Variants in DGCR2 observed in about 807,000 individuals in gnomAD.
DGCR2 encodes the protein DiGeorge syndrome critical region gene 2.
DGCR2 carries 24 observed loss-of-function variants against 51.6 expected under a neutral mutation model. The ratio of observed to expected loss-of-function variants is 0.47; its 90% CI spans 0.34 to 0.65. The LOEUF is 0.65. Among genes scored for constraint, DGCR2 ranks in the 30% least tolerant of loss-of-function variants. The pLI is 0.01. For missense variants in DGCR2, 765 were observed against 772.1 expected (o/e 0.99, Z 0.11); for synonymous variants, 340 against 315.4 (o/e 1.08, Z -0.82).
At chr22:19,065,888 G>A (rs1283336540) in intron 3 of DGCR2, 1 of 152,220 alleles carries the variant, frequency 6.6e-6, no homozygotes, top group Non-Finnish European at 1.5e-5. Flanking sequence ...CATTTTTAAA[G>A]TGCAGCTATG....
At chr22:19,063,086 T>TCCATGTC (rs111427599) in intron 5 of DGCR2, 116 bp downstream of exon 5, 357,705 of 931,164 alleles carry the variant, frequency 0.38, 70,731 homozygotes, top group African/African-American at 0.53. Context: ...GCTCACCCAC[T>TCCATGTC]CCCTGCACAG....
At chr22:19,041,658 G>A in intron 8 of DGCR2, 149 bp downstream of exon 8, 1 of 955,486 alleles carries the variant, frequency 1.0e-6, no homozygotes, top group Non-Finnish European at 1.6e-6. Context: ...GAACTTTCCT[G>A]GCCCACAGGT....
intron 2 of DGCR2, among the ~76,000 whole-genome samples, chr22:19,073,005 C>G (rs1053700336): frequency 6.6e-6 from 1 of 152,048 alleles, no homozygotes; most frequent in African/African-American, 2.4e-5. Context: ...ACCTGTAATC[C>G]CAACACTTTG....
chr22:19,100,949 T>C (rs2083194924), intron 1 of DGCR2, among the ~76,000 whole-genome samples: 1 of 148,818 alleles, frequency 6.7e-6, no homozygotes, highest in South Asian at 2.1e-4. Context: ...TACCAAAAAA[T>C]ACAAAAATCA....
intron 2 of DGCR2, among the ~76,000 whole-genome samples, chr22:19,079,625 T>C (rs554073484): frequency 6.6e-6 from 1 of 152,340 alleles, no homozygotes; most frequent in South Asian, 2.1e-4. Flanking sequence ...TCTAATCCCT[T>C]TATATGTAGC....
chr22:19,057,123 G>A lies in DGCR2; in HGVS notation c.665C>T (p.Ala222Val). The change falls in exon 6 of 10, where the codon GCC (alanine) becomes GTC (valine). Residue 222 changes from alanine (A) to valine (V), a missense_variant. By Grantham distance (64) the Ala-to-Val change is moderately conservative. This residue lies in a region of DGCR2 where 370 missense variants were observed against 325.5 expected (regional missense o/e 1.14). Coordinates refer to ENST00000263196, the MANE Select transcript of DGCR2 (RefSeq NM_005137.3). This position sits in a 1 kb window ranked among gnomAD's most constrained non-coding sequence, Gnocchi z 5.1. ...EVFLPPDPIF[A>V]SAMSENDNVF... The stretch of plus-strand genomic sequence containing the variant: ...GTTGTCGTTCTCAGACATGGCCGAG[G>A]CAAAGATGGGGTCTGGGGGCAGGAA... 3.1e-6 allele frequency: 5 copies of A among 1,608,500 alleles called. 1 individual carries two copies. The highest frequency in any genetic ancestry group is 4.2e-6 in the Non-Finnish European group (5 of 1,177,592).
chr22:19,056,501 A>G (rs1214325663), intron 6 of DGCR2: 2 of 514,316 alleles, frequency 3.9e-6, no homozygotes, highest in Non-Finnish European at 7.1e-6. Context: ...CTGCCCCACC[A>G]AGAGCTCCTG....
rs1029819636 is a variant in DGCR2 at position 19,057,696 on chromosome 22, T to C, written c.626-534A>G. On this transcript the variant is annotated intron_variant, in intron 5 of 9. Coordinates refer to ENST00000263196, the MANE Select transcript of DGCR2 (RefSeq NM_005137.3). This position sits in a 1 kb window ranked among gnomAD's most constrained non-coding sequence, Gnocchi z 5.1. The stretch of plus-strand genomic sequence containing the variant: ...CCAGCAGCTGGCTGCAGGGAACACT[T>C]AGGAAGCACTGGCTCCCGGGGACCT... Among the ~76,000 whole-genome samples the C allele has an allele frequency of 1.3e-5, 2 of 152,094 alleles. No individual in the cohort carries two copies. Among genetic ancestry groups the C allele is most frequent in the African/African-American group, 4.8e-5 (2 of 41,416 alleles).
At chr22:19,080,036 T>C (rs1397524822) in intron 2 of DGCR2, among the ~76,000 whole-genome samples, 3 of 152,228 alleles carry the variant, frequency 2.0e-5, no homozygotes, top group Admixed American at 2.0e-4. Flanking sequence ...AACCTTCCAT[T>C]ATGTTGACAC....
chr22:19,063,169 C>T, intron 5 of DGCR2, 33 bp downstream of exon 5: 2 of 1,605,608 alleles, frequency 1.2e-6, no homozygotes, highest in Non-Finnish European at 1.7e-6. Flanking sequence ...CTCTGCCCAG[C>T]TTCAAACACT....
At chr22:19,060,788 G>C (rs775492557) in intron 5 of DGCR2, 5 of 463,052 alleles carry the variant, frequency 1.1e-5, no homozygotes, top group Admixed American at 7.3e-5. Context: ...TTGGCCCCCA[G>C]GCGGGGCTCA....
At chr22:19,097,983 G>A (rs2083160212) in intron 1 of DGCR2, among the ~76,000 whole-genome samples, 1 of 152,110 alleles carries the variant, frequency 6.6e-6, no homozygotes, top group Admixed American at 6.5e-5. Flanking sequence ...CTGGGCTCAG[G>A]GAAAAGTTCC....
Position 19,036,909 on chromosome 22 carries a change from T to C in DGCR2, c.*1956A>G, listed in dbSNP as rs2082375395. ...AAGCGTCCCAGTCCCACACATCTCG[T>C]GCCAGCCACCCTGTCCCGCACACAC... On this transcript the variant is annotated 3_prime_UTR_variant, in exon 10 of 10. Transcript: ENST00000263196. 6.6e-6 allele frequency: 1 copy of C among 152,468 alleles called. No individual in the cohort carries two copies. Among genetic ancestry groups the C allele is most frequent in the Non-Finnish European group, 1.5e-5 (1 of 68,258 alleles). 9.4% of individuals were successfully genotyped at this position (152,468 alleles called of 1,614,324 possible). A position where few individuals can be genotyped will look rare whatever the true frequency, so the allele number is the denominator to read the frequency against.
At chr22:19,045,840 C>T (rs78794468) in intron 7 of DGCR2, among the ~76,000 whole-genome samples, 2,494 of 152,260 alleles carry the variant, frequency 0.016, 85 homozygotes, top group East Asian at 0.061. Flanking sequence ...GATTCTCCTG[C>T]CTCAGCCTCC....
At chr22:19,109,553 T>C (rs938101791) in intron 1 of DGCR2, among the ~76,000 whole-genome samples, 4 of 152,186 alleles carry the variant, frequency 2.6e-5, no homozygotes, top group Admixed American at 2.0e-4. Flanking sequence ...TCTACTTATA[T>C]GGAGTATCTA....
chr22:19,062,779 A>ACTCGCTCACTCTCTCTCTCT (rs2082688729), intron 5 of DGCR2, among the ~76,000 whole-genome samples: 3 of 127,354 alleles, frequency 2.4e-5, no homozygotes, highest in South Asian at 5.7e-4. Context: ...ATGCATGCTC[A>ACTCGCTCACTCTCTCTCTCT]CTCTCTCTCT....
chr22:19,086,554 C>T (rs745888116), intron 2 of DGCR2, among the ~76,000 whole-genome samples: 2 of 152,060 alleles, frequency 1.3e-5, no homozygotes, highest in Non-Finnish European at 2.9e-5. Flanking sequence ...ATCATAGGAC[C>T]GTGAGTCAAG....
chr22:19,062,778 C>CTCTCTCTCTCT, intron 5 of DGCR2, among the ~76,000 whole-genome samples: 1 of 133,588 alleles, frequency 7.5e-6, no homozygotes, highest in South Asian at 2.5e-4. Flanking sequence ...CATGCATGCT[C>CTCTCTCTCTCT]ACTCTCTCTC....
intron 1 of DGCR2, among the ~76,000 whole-genome samples, chr22:19,109,690 G>C (rs535016807): frequency 6.6e-6 from 1 of 152,082 alleles, no homozygotes; most frequent in Non-Finnish European, 1.5e-5. Context: ...ACATTCTAGA[G>C]ATCTGTTGCA....
Sources: allele counts gnomAD v4.1 joint callset (sites outside exome capture counted in the v4.1 genomes callset), GRCh38; gene constraint gnomAD v4.1.1; regional missense constraint gnomAD v4.1.1; non-coding constraint Gnocchi (gnomAD v3.1); transcripts MANE v1.5; gene names NCBI Gene and HGNC (gene_info 2026-07-23, HGNC 2026-07-21).